INTS11: variants seen among roughly 807,000 people sequenced by gnomAD.
INTS11 encodes the protein CPSF3-like protein.
Under a neutral mutation model 78.6 loss-of-function variants are expected in INTS11, and 77 were observed. The ratio of observed to expected loss-of-function variants is 0.98; its 90% CI spans 0.81 to 1.18. The LOEUF (loss-of-function observed/expected upper bound fraction) is 1.18. Among genes scored for constraint, INTS11 ranks in the 50% most tolerant of loss-of-function variants. INTS11 has a pLI of 0.00. For missense variants in INTS11, 875 were observed against 825.9 expected (o/e 1.06, Z -0.73); for synonymous variants, 441 against 326.9 (o/e 1.35, Z -3.77).
chr1:1,312,021 G>T lies in INTS11; in HGVS notation c.1734C>A (p.Tyr578Ter). ...TGGGGTGGGGGTCACCCCTTACCTG[G>T]TAGGTCCAGGAGACCAGCAGCACCT... is the stretch of plus-strand genomic sequence containing the variant. ...GTKVLLVSWT[Y>*]QDEELGSFLT... Residue 578 changes from tyrosine (Y) to a stop codon, truncating the protein, a stop_gained, in exon 16 of 17, where the codon TAC becomes TAA. Transcript: ENST00000435064. LOFTEE classifies it high-confidence loss of function. 6.3e-7 allele frequency: 1 copy of T among 1,579,152 alleles called. No homozygotes were observed. Among genetic ancestry groups the T allele is most frequent in the Non-Finnish European group, 8.6e-7 (1 of 1,162,486 alleles).
chr1:1,323,817 G>A (rs1318543170), intron 1 of INTS11, among the ~76,000 whole-genome samples: 1 of 124,824 alleles, frequency 8.0e-6, no homozygotes, highest in African/African-American at 3.2e-5. Flanking sequence ...TAACTCGGGC[G>A]TGAGCACACA....
chr1:1,319,580 C>A, intron 3 of INTS11, 56 bp from the exon 4 acceptor site: 2 of 1,310,268 alleles, frequency 1.5e-6, no homozygotes, highest in Admixed American at 2.2e-5. Flanking sequence ...CCTTCACCCC[C>A]GCTCTGGGCT....
In INTS11 at chr1:1,312,267, C is replaced by T. The variant is rs749071463; in HGVS notation, c.1566G>A (p.Lys522=). 4.8e-5 allele frequency: 74 copies of T among 1,548,588 alleles called. No individual in the cohort carries two copies. Among genetic ancestry groups the T allele is most frequent in the South Asian group, 3.3e-4 (28 of 84,084 alleles). Residue 522 remains lysine (K), a synonymous_variant, in exon 15 of 17, where the codon AAG becomes AAA. Transcript: ENST00000435064. The part of the protein sequence containing the change: ...TCRVHLHDTR[K]EQETALRVYS... ...AGACGCGCAATGCCGTCTCCTGCTCCTTGCGTGTGTCATGCAGGTGCACGC... is the reference window on the plus strand; with the variant it reads ...AGACGCGCAATGCCGTCTCCTGCTCTTTGCGTGTGTCATGCAGGTGCACGC...
chr1:1,322,431 A>C (rs1002046104), intron 1 of INTS11, among the ~76,000 whole-genome samples: 3 of 148,334 alleles, frequency 2.0e-5, no homozygotes, highest in African/African-American at 5.0e-5. Context: ...AAAGCACGCC[A>C]GACGAAGGTT....
chr1:1,319,367 A>G lies in INTS11; in HGVS notation c.358T>C (p.Phe120Leu), dbSNP rs1642810677. The G allele has an allele frequency of 6.2e-7, 1 of 1,613,378 alleles. No homozygotes were observed. The highest frequency in any genetic ancestry group is 8.5e-7 in the Non-Finnish European group (1 of 1,180,008). ...IAVDKKGEANFFTSQMIKDCM... is the reference protein window; with the variant it reads ...IAVDKKGEANLFTSQMIKDCM... ...TCTTTGATCATCTGGGAGGTGAAGA[A>G]GTTGGCCTCGCCCTTCTTGTCTACG... Residue 120 changes from phenylalanine (F) to leucine (L), a missense_variant, in exon 4 of 17, where the codon TTC becomes CTC. By Grantham distance (22) the Phe-to-Leu change is conservative. Coordinates refer to ENST00000435064, the MANE Select transcript of INTS11 (RefSeq NM_017871.6).
intron 4 of INTS11, chr1:1,317,743 A>T (rs1570727687): frequency 6.6e-6 from 1 of 152,262 alleles, no homozygotes. Flanking sequence ...CCATGCCCAG[A>T]GACAGAACGT....
intron 8 of INTS11, 57 bp from the exon 9 acceptor site, chr1:1,313,978 G>C: frequency 1.3e-6 from 2 of 1,552,492 alleles, no homozygotes; most frequent in Non-Finnish European, 1.8e-6. Flanking sequence ...CTGCAGGGCA[G>C]GACTCGGCCG....
intron 1 of INTS11, 74 bp from the exon 2 acceptor site, chr1:1,321,167 C>T: frequency 4.2e-6 from 5 of 1,195,444 alleles, no homozygotes; most frequent in Non-Finnish European, 6.1e-6. Flanking sequence ...CTCTGCAGGA[C>T]CCCAGTGCAC....
intron 5 of INTS11, 22 bp downstream of exon 5, chr1:1,315,498 A>G: frequency 2.5e-6 from 4 of 1,612,704 alleles, no homozygotes; most frequent in Non-Finnish European, 3.4e-6. Flanking sequence ...GCCCCTCCCA[A>G]GCCTCAAGCC....
chr1:1,313,451 G>A (rs1642367738), intron 10 of INTS11, 58 bp downstream of exon 10: 4 of 1,576,302 alleles, frequency 2.5e-6, no homozygotes. Flanking sequence ...CAGCATGGGT[G>A]GAAGGACAAC....
chr1:1,313,643 C>G, intron 9 of INTS11, 51 bp from the exon 10 acceptor site: 14 of 1,611,120 alleles, frequency 8.7e-6, no homozygotes, highest in African/African-American at 1.3e-5. Context: ...GATGCCCCCA[C>G]CCCCACTGCA....
chr1:1,322,816 G>T, intron 1 of INTS11: 1 of 933,248 alleles, frequency 1.1e-6, no homozygotes, highest in Non-Finnish European at 1.3e-6. Context: ...CAGTGGTCCA[G>T]TGAGCGCGGA....
At position 1,314,266 on chromosome 1, in the gene INTS11, G is replaced by C; in HGVS notation, c.767+35C>G. On this transcript the variant is annotated intron_variant, in intron 8 of 16. Transcript: ENST00000435064. This position sits in a 1 kb window ranked among gnomAD's most constrained non-coding sequence, Gnocchi z 4.2. Reference sequence around the variant, plus strand: ...ACTGGACTGTGTTCAGGCCGGGCCAGGGGCTCCTTAAAGAGCCGTCCTGGC... The same window carrying C: ...ACTGGACTGTGTTCAGGCCGGGCCACGGGCTCCTTAAAGAGCCGTCCTGGC... 6.4e-7 allele frequency: 1 copy of C among 1,557,108 alleles called. No homozygotes were observed. The highest frequency in any genetic ancestry group is 8.7e-7 in the Non-Finnish European group (1 of 1,148,338).
intron 16 of INTS11, 45 bp from the exon 17 acceptor site, chr1:1,311,969 GA>G (rs1557627451): frequency 1.3e-6 from 2 of 1,596,396 alleles, no homozygotes; most frequent in Non-Finnish European, 1.7e-6. Flanking sequence ...GGACAGGGAG[GA>G]ATGTTGATAC....
rs145195014 is a variant in INTS11 at position 1,319,727 on chromosome 1, G to A, written c.201-203C>T. Reference sequence around the variant, plus strand: ...AAGTCTAGCAAGGCAATAAGCAAACGGGAAATTGAACACGTCGGTGACGGC... The same window carrying A: ...AAGTCTAGCAAGGCAATAAGCAAACAGGAAATTGAACACGTCGGTGACGGC... On this transcript the variant is annotated intron_variant, in intron 3 of 16. Coordinates refer to ENST00000435064, the MANE Select transcript of INTS11 (RefSeq NM_017871.6). 5.4e-3 allele frequency: 3,102 copies of A among 577,202 alleles called. 21 individuals are homozygous for A. Among genetic ancestry groups the A allele is most frequent in the Non-Finnish European group, 7.8e-3 (2,550 of 325,248 alleles). The allele number at this position is 577,202 out of a possible 1,614,324, so 35.8% of individuals were successfully genotyped here.
chr1:1,322,521 A>T (rs1643005885), intron 1 of INTS11, among the ~76,000 whole-genome samples: 1 of 107,326 alleles, frequency 9.3e-6, no homozygotes. Context: ...TGCTCCGAGA[A>T]GCCAACTTTT....
intron 4 of INTS11, chr1:1,319,065 T>C: frequency 1.4e-6 from 1 of 719,310 alleles, no homozygotes; most frequent in Non-Finnish European, 2.6e-6. Context: ...CATAAGCCGG[T>C]GCATACCCCC....
Position 1,314,049 on chromosome 1 carries a change from G to T in INTS11, c.768-128C>A. ...CACGGGCCAGGTTGAGTCCAGTCGCGACCACTTGTCCCATTAAGCCCTGCA... is the reference window on the plus strand; with the variant it reads ...CACGGGCCAGGTTGAGTCCAGTCGCTACCACTTGTCCCATTAAGCCCTGCA... On this transcript the variant is annotated intron_variant, in intron 8 of 16. Coordinates refer to ENST00000435064, the MANE Select transcript of INTS11 (RefSeq NM_017871.6). This position sits in a 1 kb window ranked among gnomAD's most constrained non-coding sequence, Gnocchi z 4.2. The T allele has an allele frequency of 2.1e-6, 2 of 971,274 alleles. No individual in the cohort carries two copies. Among genetic ancestry groups the T allele is most frequent in the Non-Finnish European group, 3.1e-6 (2 of 645,006 alleles). 60.2% of individuals were successfully genotyped at this position (971,274 alleles called of 1,614,324 possible).
intron 6 of INTS11, 145 bp from the exon 7 acceptor site, chr1:1,315,107 G>C (rs1374250308): frequency 3.0e-5 from 31 of 1,040,048 alleles, no homozygotes; most frequent in Non-Finnish European, 3.9e-5. Flanking sequence ...AAAATGCTGT[G>C]GGCAGCACAC....
Sources: gnomAD v4.1 joint callset for allele counts (sites outside exome capture counted in the v4.1 genomes callset) on GRCh38, gnomAD v4.1.1 for gene constraint, Gnocchi (gnomAD v3.1) non-coding constraint, MANE v1.5 for transcripts, NCBI Gene and HGNC (gene_info 2026-07-23, HGNC 2026-07-21) for gene names.